Variants in PLAT observed in about 807,000 individuals in gnomAD.
The protein encoded by PLAT is tissue-type plasminogen activator.
In PLAT, 48 loss-of-function variants were observed where a neutral mutation model predicts 74.9. The observed-to-expected ratio is 0.64, with a 90% CI of 0.51 to 0.82. The LOEUF is 0.82. Among genes scored for constraint, PLAT ranks in the 40% least tolerant of loss-of-function variants. The pLI, the probability that PLAT is intolerant of heterozygous loss-of-function variation, is 0.00. For missense variants in PLAT, 673 were observed against 736.2 expected, an observed-to-expected ratio of 0.91 and a Z score of 0.99; for synonymous variants, 307 against 294.4, an observed-to-expected ratio of 1.04 and a Z score of -0.44.
rs376625283 is a variant in PLAT, at chr8:42,182,690, C to A, written c.803+29G>T. On this transcript the variant is annotated intron_variant, in intron 8 of 13. Transcript: ENST00000220809. ...ACCCTAATCCCACGTTCTGCCAAGACCTGAACCCCCCACCCCTGTGCTACC... is the reference window on the plus strand; with the variant it reads ...ACCCTAATCCCACGTTCTGCCAAGAACTGAACCCCCCACCCCTGTGCTACC... The A allele has an allele frequency of 3.2e-6, 5 of 1,560,670 alleles. No homozygotes were observed. In the African/African-American group the frequency reaches 4.1e-5, roughly 13 times the overall value.
chr8:42,187,297 G>C (rs1485276266), intron 6 of PLAT, 101 bp downstream of exon 6: 1 of 945,328 alleles, frequency 1.1e-6, no homozygotes, highest in Non-Finnish European at 1.6e-6. Context: ...ATCCTGTATT[G>C]GTTATGTTTC....
intron 4 of PLAT, 49 bp from the exon 5 acceptor site, chr8:42,188,065 G>T: frequency 8.7e-7 from 1 of 1,144,998 alleles, no homozygotes; most frequent in Non-Finnish European, 1.3e-6. Context: ...CCTTCTGTGT[G>T]CTCAGGCCAT....
chr8:42,185,268 G>T (rs1265640613), intron 6 of PLAT, 96 bp from the exon 7 acceptor site: 2 of 660,238 alleles, frequency 3.0e-6, no homozygotes, highest in South Asian at 2.3e-5. Flanking sequence ...GGAGGAATGG[G>T]GGGTGCTTTT....
At chr8:42,192,795 T>C (rs972172886) in intron 2 of PLAT, among the ~76,000 whole-genome samples, 7 of 152,172 alleles carry the variant, frequency 4.6e-5, no homozygotes, top group African/African-American at 1.7e-4. Context: ...CTGTACTTTA[T>C]GGATTAATTT....
chr8:42,192,885 A>G (rs931103393), intron 2 of PLAT, among the ~76,000 whole-genome samples: 1 of 152,228 alleles, frequency 6.6e-6, no homozygotes, highest in Non-Finnish European at 1.5e-5. Context: ...TACTCAGGTC[A>G]AAATAAGTGC....
chr8:42,182,956 G>T, intron 7 of PLAT, 66 bp from the exon 8 acceptor site: 1 of 1,361,484 alleles, frequency 7.3e-7, no homozygotes. Flanking sequence ...CAGGGCTGGG[G>T]CTTGAAGCGG....
At position 42,185,127 on chromosome 8, in the gene PLAT, C is replaced by T. The variant is rs41387546; in HGVS notation, c.585G>A (p.Ala195=). Residue 195 remains alanine, a synonymous_variant, in exon 7 of 14, where the codon GCG becomes GCA. Transcript: ENST00000220809. ...DSKPWCYVFK[A]GKYSSEFCST... ...TGCAGAACTCTGAGCTGTACTTCCC[C>T]GCCTTAAAGACGTAGCACCAGGGCT... 1,174 of 1,612,378 alleles carry T rather than the reference C, an allele frequency of 7.3e-4. 1 individual carries two copies. The highest frequency in any genetic ancestry group is 1.7e-3 in the Admixed American group (99 of 59,682).
Position 42,182,704 on chromosome 8 carries a change from C to T in PLAT, c.803+15G>A. 2 of 1,590,770 alleles carry T rather than the reference C, an allele frequency of 1.3e-6. No homozygotes were observed. Among genetic ancestry groups the T allele is most frequent in the Non-Finnish European group, 1.7e-6 (2 of 1,167,754 alleles). On this transcript the variant is annotated intron_variant, in intron 8 of 13. Transcript: ENST00000220809. ...TTCTGCCAAGACCTGAACCCCCCACCCCTGTGCTACCTACCGGCAGTAATT... is the reference window on the plus strand; with the variant it reads ...TTCTGCCAAGACCTGAACCCCCCACTCCTGTGCTACCTACCGGCAGTAATT...
chr8:42,176,149 G>C lies in PLAT; in HGVS notation c.1533C>G (p.Gly511=). 6.2e-7 allele frequency: 1 copy of C among 1,612,672 alleles called. No individual in the cohort carries two copies. Among genetic ancestry groups the C allele is most frequent in the Non-Finnish European group, 8.5e-7 (1 of 1,179,200 alleles). ...PQANLHDACQ[G]DSGGPLVCLN... is the part of the protein sequence containing the mutation. ...GACACACCAGGGGGCCTCCCGAATC[G>C]CCCTGCAAAGGAGATAGCAGGTTTG... The change falls in exon 14 of 14, where the codon GGC becomes GGG. Residue 511 remains glycine, a splice_region_variant and synonymous_variant. Coordinates refer to ENST00000220809, the MANE Select transcript of PLAT (RefSeq NM_000930.5).
At chr8:42,187,682 C>A in intron 5 of PLAT, 110 bp from the exon 6 acceptor site, 2 of 1,108,958 alleles carry the variant, frequency 1.8e-6, no homozygotes, top group South Asian at 1.6e-5. Flanking sequence ...CAGGCTGGCT[C>A]GGAAGCCACA....
chr8:42,200,491 A>C (rs1806085437), intron 1 of PLAT, among the ~76,000 whole-genome samples: 1 of 150,066 alleles, frequency 6.7e-6, no homozygotes, highest in Non-Finnish European at 1.5e-5. Context: ...CCTGGGTAAC[A>C]TGGCAAAACC....
chr8:42,202,701 TAGACACTC>T (rs1806181331), intron 1 of PLAT, among the ~76,000 whole-genome samples: 1 of 151,874 alleles, frequency 6.6e-6, no homozygotes, highest in African/African-American at 2.4e-5. Context: ...GATGAATAAC[TAGACACTC>T]AGGGTACAGC....
intron 2 of PLAT, among the ~76,000 whole-genome samples, chr8:42,192,059 A>G (rs1420903677): frequency 1.4e-5 from 2 of 141,124 alleles, no homozygotes; most frequent in Admixed American, 7.5e-5. Flanking sequence ...GCTGGAGTGC[A>G]TTGGCGTAAT....
chr8:42,187,385 G>A lies in PLAT; in HGVS notation c.539+13C>T. 6.4e-7 allele frequency: 1 copy of A among 1,558,572 alleles called. No homozygotes were observed. The highest frequency in any genetic ancestry group is 8.7e-7 in the Non-Finnish European group (1 of 1,152,570). ...CTCACAGGGGGAATCCCTCCTTGGG[G>A]ATGTGCCCTCACCTGCAGTAGTTGT... On this transcript the variant is annotated intron_variant, in intron 6 of 13. Coordinates refer to ENST00000220809, the MANE Select transcript of PLAT (RefSeq NM_000930.5).
Position 42,188,003 on chromosome 8 carries a change from T to G in PLAT, c.267A>C (p.Pro89=), listed in dbSNP as rs1353644490. ...GGCAGGTGCCCCCGTTGAAACACCT[T>G]GGCTCGCTGCAACCTGTCAAGTATA... ...HSVPVKSCSE[P]RCFNGGTCQQ... is the part of the protein sequence containing the mutation. The change falls in exon 5 of 14, where the codon CCA becomes CCC. Residue 89 remains proline, a synonymous_variant. Transcript: ENST00000220809. 9.9e-6 allele frequency: 16 copies of G among 1,610,322 alleles called. No individual in the cohort carries two copies. The highest frequency in any genetic ancestry group is 1.4e-5 in the Non-Finnish European group (16 of 1,176,780).
intron 2 of PLAT, 81 bp downstream of exon 2, chr8:42,193,033 G>T: frequency 1.0e-6 from 1 of 953,918 alleles, no homozygotes; most frequent in East Asian, 2.4e-5. Context: ...AACCTCCGTG[G>T]CCCAGATGGA....
chr8:42,194,649 G>A (rs1026327262), intron 1 of PLAT, among the ~76,000 whole-genome samples: 2 of 152,088 alleles, frequency 1.3e-5, no homozygotes, highest in Non-Finnish European at 2.9e-5. Flanking sequence ...CTTCTGCAGC[G>A]GAAGCCATTG....
intron 13 of PLAT, among the ~76,000 whole-genome samples, chr8:42,177,660 TG>T (rs1805023531): frequency 6.6e-6 from 1 of 152,244 alleles, no homozygotes. Context: ...AATTGTTAGC[TG>T]TTCTTATATT....
intron 6 of PLAT, 61 bp from the exon 7 acceptor site, chr8:42,185,233 C>A: frequency 1.9e-6 from 2 of 1,038,702 alleles, no homozygotes; most frequent in South Asian, 1.5e-5. Flanking sequence ...TCCTTTAGGA[C>A]CCAAGGACTT....
Sources: allele counts gnomAD v4.1 joint callset (sites outside exome capture counted in the v4.1 genomes callset), GRCh38; gene constraint gnomAD v4.1.1; transcripts MANE v1.5; gene names NCBI Gene and HGNC (gene_info 2026-07-23, HGNC 2026-07-21).